The following NEB variants were observed in gnomAD, a reference collection of about 807,000 sequenced individuals.
NEB encodes the protein nemaline myopathy type 2.
In NEB, 512 loss-of-function variants were observed where a neutral mutation model predicts 952.2. That is an observed-to-expected ratio of 0.54 (90% CI 0.50 to 0.58). The LOEUF (loss-of-function observed/expected upper bound fraction) is 0.58. Ranked by LOEUF, NEB falls within the 20% of genes least tolerant of loss-of-function variation. NEB has a pLI of 0.00. For missense variants in NEB, 8,428 were observed against 9,231.1 expected (o/e 0.91, Z 3.56); for synonymous variants, 2,900 against 3,149.8 (o/e 0.92, Z 2.66).
At chr2:151,612,854 AACG>A (rs1258376941) in intron 77 of NEB, among the ~76,000 whole-genome samples, 1 of 152,184 alleles carries the variant, frequency 6.6e-6, no homozygotes, top group Non-Finnish European at 1.5e-5. Flanking sequence ...TGGGGATAAA[AACG>A]ACGTCTTTTT....
chr2:151,696,645 G>T lies in NEB; in HGVS notation c.1561C>A (p.Leu521Met), dbSNP rs750023832. 2 of 1,612,600 alleles carry T rather than the reference G, an allele frequency of 1.2e-6. No homozygotes were observed. Among genetic ancestry groups the T allele is most frequent in the East Asian group, 2.2e-5 (1 of 44,876 alleles). ...LLQAQVNSKQ[L>M]SDLNYKAKHE... is the part of the protein sequence containing the mutation. The stretch of plus-strand genomic sequence containing the variant: ...TAGTTAGAGGAACTTACGTCACTCA[G>T]TTGTTTGGAATTGACTTGGGCTTGT... Residue 521 changes from leucine to methionine, a missense_variant, in exon 17 of 182, where the codon CTG (leucine) becomes ATG (methionine). By Grantham distance (15) the Leu-to-Met change is conservative. This residue lies in a region of NEB where 2,851 missense variants were observed against 2,791.5 expected (regional missense o/e 1.02). Coordinates refer to ENST00000397345, the MANE Select transcript of NEB (RefSeq NM_001164508.2).
chr2:151,732,583 C>T (rs1024454256), intron 3 of NEB, among the ~76,000 whole-genome samples: 5 of 152,010 alleles, frequency 3.3e-5, no homozygotes, highest in African/African-American at 1.2e-4. Context: ...TTTATATTTG[C>T]TTGTATGTGT....
At chr2:151,630,255 T>C (rs2098636720) in intron 67 of NEB, among the ~76,000 whole-genome samples, 1 of 152,222 alleles carries the variant, frequency 6.6e-6, no homozygotes, top group East Asian at 1.9e-4. Context: ...ATCAATGTTG[T>C]TGATAGAGAA....
intron 24 of NEB, among the ~76,000 whole-genome samples, 199 bp from the exon 25 acceptor site, chr2:151,688,595 G>A (rs1310798946): frequency 6.6e-6 from 1 of 152,026 alleles, no homozygotes; most frequent in Non-Finnish European, 1.5e-5. Context: ...TGTCCTTGGG[G>A]GATACTTTTC....
Position 151,704,312 on chromosome 2 carries a change from T to C in NEB, c.1152+2569A>G, listed in dbSNP as rs1577035287. The stretch of plus-strand genomic sequence containing the variant: ...TCTGCAGAGGTTACTGCTGTCTTTT[T>C]GTTTGTCTGTGCCCTGCCCCCAGAG... On this transcript the variant is annotated intron_variant, in intron 13 of 181. Transcript: ENST00000397345. Among the ~76,000 whole-genome samples the C allele has an allele frequency of 1.9e-4, 25 of 129,596 alleles. No individual in the cohort carries two copies. The South Asian group carries it at 7.0e-3, about 36-fold the overall frequency. The allele number at this position is 129,596 out of a possible 152,430, so 85.0% of individuals were successfully genotyped here.
At chr2:151,487,256 AC>A (rs2152688590) in intron 181 of NEB, among the ~76,000 whole-genome samples, 1 of 152,334 alleles carries the variant, frequency 6.6e-6, no homozygotes, top group Non-Finnish European at 1.5e-5. Flanking sequence ...GCTATCCTCC[AC>A]AGTGTTAAAA....
At chr2:151,702,936 T>C (rs1010356773) in intron 13 of NEB, among the ~76,000 whole-genome samples, 2 of 152,224 alleles carry the variant, frequency 1.3e-5, no homozygotes, top group African/African-American at 2.4e-5. Flanking sequence ...CGTTAGTTGA[T>C]GCAGTTTCTT....
chr2:151,658,066 C>A lies in NEB; in HGVS notation c.6100G>T (p.Glu2034Ter). The A allele has an allele frequency of 6.2e-7, 1 of 1,606,756 alleles. No individual in the cohort carries two copies. The highest frequency in any genetic ancestry group is 8.5e-7 in the Non-Finnish European group (1 of 1,175,368). ...SDKLYKLSLE[E>*]SKKKGYDLRP... ...AGATCATAGCCTTTCTTTTTAGACT[C>A]TTCCAAGGAAAGTTTGTAGAGTTTC... The change falls in exon 48 of 182, where the codon GAG becomes TAG. Residue 2034 changes from glutamate to a stop codon, truncating the protein, a stop_gained. Transcript: ENST00000397345. LOFTEE classifies it high-confidence loss of function.
intron 150 of NEB, 65 bp from the exon 151 acceptor site, chr2:151,525,338 G>T: frequency 8.4e-7 from 1 of 1,194,502 alleles, no homozygotes; most frequent in Non-Finnish European, 1.2e-6. Flanking sequence ...TTTACTTGAA[G>T]AACTGTGAAA....
At chr2:151,649,525 A>C (rs1181993521) in intron 54 of NEB, among the ~76,000 whole-genome samples, 1 of 152,178 alleles carries the variant, frequency 6.6e-6, no homozygotes, top group Non-Finnish European at 1.5e-5. Context: ...CAGGGCACAT[A>C]CTTCAGTATT....
chr2:151,674,478 T>G lies in NEB; in HGVS notation c.3986A>C (p.Asp1329Ala), dbSNP rs115986826. ...AAKASRNIAS[D>A]YKYKEAYEKS... ...ACTTCACCTAAAATTTGTACTCACA[T>G]CACTGGCAATGTTTCTCGATGCCTT... Residue 1329 changes from aspartate (D) to alanine (A), a missense_variant and splice_region_variant, in exon 36 of 182, where the codon GAT becomes GCT. Around this residue, in one of 11 missense-constraint regions of NEB, gnomAD observed 2,851 missense variants for 2,791.5 expected, o/e 1.02. Transcript: ENST00000397345. 1,948 of 1,613,034 alleles carry G rather than the reference T, an allele frequency of 1.2e-3. 3 individuals are homozygous for G. The highest frequency in any genetic ancestry group is 2.3e-3 in the Middle Eastern group (14 of 6,062).
rs546750696 is a variant in NEB at position 151,662,474 on chromosome 2, G to C, written c.5764-133C>G. On this transcript the variant is annotated intron_variant, in intron 45 of 181. Transcript: ENST00000397345. ...AACTTTTCCACTTCAATATTTGCTT[G>C]AATATTGGTATTTAACCAATAGCAT... is the stretch of plus-strand genomic sequence containing the variant. 56 of 705,044 alleles carry C rather than the reference G, an allele frequency of 7.9e-5. No homozygotes were observed. In the African/African-American group the frequency reaches 8.5e-4, roughly 11 times the overall value. The allele number at this position is 705,044 out of a possible 1,614,324, so 43.7% of individuals were successfully genotyped here.
At chr2:151,551,618 C>G in intron 129 of NEB, 120 bp downstream of exon 129, 1 of 748,650 alleles carries the variant, frequency 1.3e-6, no homozygotes, top group Non-Finnish European at 2.2e-6. Context: ...GTTTTTTCAC[C>G]TCATGTGAAT....
chr2:151,681,585 GCAGA>G (rs1180927516), intron 29 of NEB, among the ~76,000 whole-genome samples: 6 of 152,128 alleles, frequency 3.9e-5, no homozygotes, highest in African/African-American at 1.4e-4. Context: ...AGATCTTTGA[GCAGA>G]CAAAATGGTT....
chr2:151,620,277 A>G (rs546066939), intron 72 of NEB, among the ~76,000 whole-genome samples: 4 of 142,658 alleles, frequency 2.8e-5, no homozygotes, highest in Non-Finnish European at 6.2e-5. Context: ...GAATATACTG[A>G]ACCCCACCAA....
rs1307205205 is a variant in NEB at position 151,524,531 on chromosome 2, G to A, written c.22358C>T (p.Ala7453Val). Residue 7453 changes from alanine to valine, a missense_variant, in exon 152 of 182, where the codon GCC becomes GTC. Transcript: ENST00000397345. ...RPDIKKATQA[A>V]KQASEVEYRA... is the part of the protein sequence containing the mutation. ...CACCCTTACCTCACTGGCCTGTTTG[G>A]CTGCCTGTGTGGCCTTCTTGATGTC... is the stretch of plus-strand genomic sequence containing the variant. 6.2e-7 allele frequency: 1 copy of A among 1,613,930 alleles called. No individual in the cohort carries two copies. The highest frequency in any genetic ancestry group is 8.5e-7 in the Non-Finnish European group (1 of 1,179,860).
rs1553485582 is a variant in NEB at position 151,663,750 on chromosome 2, G to A, written c.5561C>T (p.Ser1854Leu). Residue 1854 changes from serine (S) to leucine (L), a missense_variant, in exon 45 of 182, where the codon TCA (serine) becomes TTA (leucine). Transcript: ENST00000397345. Reference sequence around the variant, plus strand: ...ATATCCCTTCTTGTATTCCCGGTCTGACTGCATCTTGGCCACTTGCATGAA... The same window carrying A: ...ATATCCCTTCTTGTATTCCCGGTCTAACTGCATCTTGGCCACTTGCATGAA... ...VHFMQVAKMQ[S>L]DREYKKGYEK... is the part of the protein sequence containing the mutation. 6.2e-7 allele frequency: 1 copy of A among 1,613,810 alleles called. No individual in the cohort carries two copies. The highest frequency in any genetic ancestry group is 8.5e-7 in the Non-Finnish European group (1 of 1,179,794).
chr2:151,534,273 A>G lies in NEB; in HGVS notation c.21313-727T>C, dbSNP rs762447469. On this transcript the variant is annotated intron_variant, in intron 142 of 181. Coordinates refer to ENST00000397345, the MANE Select transcript of NEB (RefSeq NM_001164508.2). Reference sequence around the variant, plus strand: ...CAGATGTCTAGGCTCATCGACTACCAGGTGGTATTTATCTTTCCGCTGCTC... The same window carrying G: ...CAGATGTCTAGGCTCATCGACTACCGGGTGGTATTTATCTTTCCGCTGCTC... 7 of 1,613,590 alleles carry G rather than the reference A, an allele frequency of 4.3e-6. No homozygotes were observed. The highest frequency in any genetic ancestry group is 5.9e-6 in the Non-Finnish European group (7 of 1,179,814).
intron 13 of NEB, among the ~76,000 whole-genome samples, chr2:151,701,193 C>A (rs1221486401): frequency 8.4e-6 from 1 of 118,748 alleles, no homozygotes; most frequent in African/African-American, 3.0e-5. Context: ...ATTGAACCAG[C>A]CTTGCATCCC....
Sources: gnomAD v4.1 joint callset for allele counts (sites outside exome capture counted in the v4.1 genomes callset) on GRCh38, gnomAD v4.1.1 for gene constraint, gnomAD v4.1.1 regional missense constraint, MANE v1.5 for transcripts, NCBI Gene and HGNC (gene_info 2026-07-23, HGNC 2026-07-21) for gene names.